Variants in PARVG observed in about 807,000 individuals in gnomAD.
PARVG encodes the protein gamma-parvin.
Under a neutral mutation model 44.4 loss-of-function variants are expected in PARVG, and 36 were observed. That is an observed-to-expected ratio of 0.81 (90% CI 0.62 to 1.07). The LOEUF (loss-of-function observed/expected upper bound fraction) is 1.07, where lower values mean the gene tolerates loss of function less well. PARVG is among the 50% of genes least tolerant of loss of function. The pLI is 0.00. For synonymous variants in PARVG, 170 were observed against 174.1 expected (o/e 0.98, Z 0.19); for missense variants, 407 against 407.4 (o/e 1.00, Z 0.01).
intron 4 of PARVG, 31 bp from the exon 5 acceptor site, chr22:44,187,745 C>A: frequency 6.2e-7 from 1 of 1,606,554 alleles, no homozygotes; most frequent in Non-Finnish European, 8.5e-7. Flanking sequence ...AGTCTCCATC[C>A]CCCCAAAAGT....
chr22:44,172,988 A>G (rs754501969), exon 1 of PARVG: 2 of 1,289,552 alleles, frequency 1.6e-6, no homozygotes, highest in South Asian at 2.5e-5. Context: ...TCTTTCATGC[A>G]TTTAGCAGTC....
chr22:44,200,071 G>A (rs549792655), intron 12 of PARVG, among the ~76,000 whole-genome samples: 10 of 152,158 alleles, frequency 6.6e-5, no homozygotes, highest in Non-Finnish European at 1.0e-4. Flanking sequence ...AGCCTTCAGT[G>A]CCCGCTGGCT....
In PARVG at chr22:44,181,423, G is replaced by C. The variant is rs2054375039; in HGVS notation, c.-189+238G>C. ...GAGGAAGGGGCCTGGCCCGGGGCGG[G>C]GTGTGGAGGTGGGAGGACGGCGGTG... On this transcript the variant is annotated intron_variant, in intron 1 of 13. Coordinates refer to ENST00000444313, the MANE Select transcript of PARVG (RefSeq NM_022141.7). The C allele has an allele frequency of 7.1e-6, 7 of 982,436 alleles. No homozygotes were observed. In the South Asian group the frequency reaches 2.4e-4, roughly 33 times the overall value. The allele number at this position is 982,436 out of a possible 1,614,324, so 60.9% of individuals were successfully genotyped here. A position where few individuals can be genotyped will look rare whatever the true frequency, so the allele number is the denominator to read the frequency against.
intron 4 of PARVG, 29 bp from the exon 5 acceptor site, chr22:44,187,747 C>T (rs2054493162): frequency 1.2e-6 from 2 of 1,610,330 alleles, no homozygotes; most frequent in African/African-American, 2.7e-5. Context: ...TCTCCATCCC[C>T]CCAAAAGTTG....
intron 1 of PARVG, among the ~76,000 whole-genome samples, chr22:44,174,620 C>T (rs1315720804): frequency 2.0e-5 from 3 of 151,936 alleles, no homozygotes; most frequent in Non-Finnish European, 2.9e-5. Context: ...CCTGTAATCC[C>T]AGCTACTCGG....
At chr22:44,199,390 C>G (rs1426065449) in intron 12 of PARVG, among the ~76,000 whole-genome samples, 2 of 151,834 alleles carry the variant, frequency 1.3e-5, no homozygotes, top group Admixed American at 1.3e-4. Flanking sequence ...ATTGATCCAC[C>G]CAATTTACCC....
intron 6 of PARVG, 54 bp downstream of exon 6, chr22:44,189,308 TTC>T: frequency 6.3e-7 from 1 of 1,593,102 alleles, no homozygotes; most frequent in Non-Finnish European, 8.6e-7. Context: ...GCTGGGGTCC[TTC>T]TGCTTCAGGC....
At position 44,207,039 on chromosome 22, in the gene PARVG, T is replaced by A; in HGVS notation, c.*613T>A. On this transcript the variant is annotated 3_prime_UTR_variant, in exon 14 of 14. Coordinates refer to ENST00000444313, the MANE Select transcript of PARVG (RefSeq NM_022141.7). The stretch of plus-strand genomic sequence containing the variant: ...TTGCCCAAAAGTCACAAAGAAGCAA[T>A]CTTCGTGGTTGATTAGTGGGTTCAG... The A allele has an allele frequency of 6.5e-6, 1 of 154,080 alleles. No individual in the cohort carries two copies. Among genetic ancestry groups the A allele is most frequent in the East Asian group, 2.0e-4 (1 of 5,126 alleles). The allele number at this position is 154,080 out of a possible 1,614,324, so 9.5% of individuals were successfully genotyped here. A position where few individuals can be genotyped will look rare whatever the true frequency, so the allele number is the denominator to read the frequency against.
rs1053180171 is a variant in PARVG at position 44,206,767 on chromosome 22, G to A, written c.*341G>A. The A allele has an allele frequency of 3.7e-5, 11 of 296,422 alleles. No individual in the cohort carries two copies. The highest frequency in any genetic ancestry group is 3.6e-4 in the South Asian group (11 of 30,612). 18.4% of individuals were successfully genotyped at this position (296,422 alleles called of 1,614,324 possible). ...CATCTCTGGGCCCAGGCTAGTGACC[G>A]CCCAGAGAGGTGGCATCACTCAGGG... On this transcript the variant is annotated 3_prime_UTR_variant, in exon 14 of 14. Coordinates refer to ENST00000444313, the MANE Select transcript of PARVG (RefSeq NM_022141.7).
rs970076577 is a variant in PARVG at position 44,173,535 on chromosome 22, G to A, written c.-189+344G>A. 5.8e-5 allele frequency among the ~76,000 whole-genome samples: 8 copies of A among 137,686 alleles called. 1 individual carries two copies. The Middle Eastern group carries it at 0.014, about 248-fold the overall frequency. The allele number at this position is 137,686 out of a possible 152,430, so 90.3% of individuals were successfully genotyped here. A position where few individuals can be genotyped will look rare whatever the true frequency, so the allele number is the denominator to read the frequency against. ...GTAGCCTGGAGAGAAAGGCAACCAC[G>A]CTATTAAAAAAAAATAAGCTAAAAA... On this transcript the variant is annotated intron_variant, in intron 1 of 13. Transcript: ENST00000422871.
chr22:44,188,623 G>GT (rs2054507167), intron 5 of PARVG: 1 of 171,610 alleles, frequency 5.8e-6, no homozygotes, highest in South Asian at 1.4e-4. Context: ...GAATAGCCCT[G>GT]TGCTGTTACT....
At chr22:44,181,328 G>C (rs1271940381) in intron 1 of PARVG, 143 bp downstream of exon 1, 1 of 985,422 alleles carries the variant, frequency 1.0e-6, no homozygotes, top group Admixed American at 6.1e-5. Context: ...CTCAGCTCAG[G>C]GGCGGGCAGG....
chr22:44,185,409 G>A (rs184852918), intron 3 of PARVG: 34 of 167,120 alleles, frequency 2.0e-4, no homozygotes, highest in Admixed American at 1.2e-3. Flanking sequence ...GTCTGACTAC[G>A]AGAGGGGCCA....
chr22:44,187,449 A>C, intron 4 of PARVG: 1 of 397,380 alleles, frequency 2.5e-6, no homozygotes. Flanking sequence ...TCATTGTCCA[A>C]TTCTTTCCAT....
intron 7 of PARVG, 48 bp from the exon 8 acceptor site, chr22:44,192,001 C>T (rs752992603): frequency 6.2e-7 from 1 of 1,604,428 alleles, no homozygotes; most frequent in Admixed American, 1.7e-5. Flanking sequence ...TCTTTGGGCC[C>T]CAGAGTTTTC....
In PARVG at chr22:44,207,832, C is replaced by G. The variant is rs1345862408; in HGVS notation, c.*1406C>G. 1 of 152,354 alleles carries G rather than the reference C, an allele frequency of 6.6e-6. No individual in the cohort carries two copies. The highest frequency in any genetic ancestry group is 1.5e-5 in the Non-Finnish European group (1 of 68,162). The allele number at this position is 152,354 out of a possible 1,614,324, so 9.4% of individuals were successfully genotyped here. A position where few individuals can be genotyped will look rare whatever the true frequency, so the allele number is the denominator to read the frequency against. On this transcript the variant is annotated 3_prime_UTR_variant, in exon 14 of 14. Transcript: ENST00000444313. Reference sequence around the variant, plus strand: ...TCAGCTCCCAATTCACAGGGCAAACCCAAGCCCATAAGCGTGTTCCACGTG... The same window carrying G: ...TCAGCTCCCAATTCACAGGGCAAACGCAAGCCCATAAGCGTGTTCCACGTG...
rs898515356 is a variant in PARVG, at chr22:44,186,108, C to A, written c.144+236C>A. 8.0e-6 allele frequency: 3 copies of A among 375,898 alleles called. No individual in the cohort carries two copies. In the Admixed American group the frequency reaches 1.1e-4, roughly 14 times the overall value. The allele number at this position is 375,898 out of a possible 1,614,324, so 23.3% of individuals were successfully genotyped here. On this transcript the variant is annotated intron_variant, in intron 4 of 13. Coordinates refer to ENST00000444313, the MANE Select transcript of PARVG (RefSeq NM_022141.7). ...CCTTCACATACACCATCCCAGCAAC[C>A]CCATGGGATTTGAGGGGAATCTATT...
At chr22:44,178,010 T>G (rs1467236082), upstream of PARVG, among the ~76,000 whole-genome samples, 1 of 152,170 alleles carries the variant, frequency 6.6e-6, no homozygotes, top group African/African-American at 2.4e-5. Context: ...ACTAGAAGCC[T>G]CCACAAAACA....
chr22:44,180,755 TTTA>T (rs1449428813), upstream of PARVG: 7 of 166,640 alleles, frequency 4.2e-5, 1 homozygote, highest in Non-Finnish European at 7.4e-5. Context: ...TTTGTCATTT[TTTA>T]TTAACTTCTT....
Sources: gnomAD v4.1 joint callset for allele counts (sites outside exome capture counted in the v4.1 genomes callset) on GRCh38, gnomAD v4.1.1 for gene constraint, MANE v1.5 for transcripts, NCBI Gene and HGNC (gene_info 2026-07-23, HGNC 2026-07-21) for gene names.